The following SYDE1 variants were observed in gnomAD, a reference collection of about 807,000 sequenced individuals.
The protein encoded by SYDE1 is rho GTPase-activating protein SYDE1.
SYDE1 carries 34 observed loss-of-function variants against 63.3 expected under a neutral mutation model. The observed-to-expected ratio is 0.54, with a 90% confidence interval of 0.41 to 0.71. The LOEUF (loss-of-function observed/expected upper bound fraction) is 0.71, where lower values mean the gene tolerates loss of function less well. Ranked by LOEUF, SYDE1 falls within the 30% of genes least tolerant of loss-of-function variation. The pLI is 0.00. For missense variants in SYDE1, 925 were observed against 1,042.5 expected, an observed-to-expected ratio of 0.89 and a Z score of 1.55; for synonymous variants, 467 against 473.4, an observed-to-expected ratio of 0.99 and a Z score of 0.18.
At position 15,109,881 on chromosome 19, in the gene SYDE1, G is replaced by A. The variant is rs1308357136; in HGVS notation, c.608G>A (p.Arg203His). The change falls in exon 3 of 8, where the codon CGC becomes CAC. Residue 203 changes from arginine (R) to histidine (H), a missense_variant. Physicochemically the swap from Arg to His is conservative, Grantham distance 29. Coordinates refer to ENST00000342784, the MANE Select transcript of SYDE1 (RefSeq NM_033025.6). This position sits in a 1 kb window ranked among gnomAD's most constrained non-coding sequence, Gnocchi z 5.0. Reference sequence around the variant, plus strand: ...GCCCCTGCGGGCTCCGTCATCAGCCGCTACCACCTGGACAGCAGCGTGGGG... The same window carrying A: ...GCCCCTGCGGGCTCCGTCATCAGCCACTACCACCTGGACAGCAGCGTGGGG... Reference protein sequence around the residue: ...RAAPAGSVISRYHLDSSVGGP... With the variant: ...RAAPAGSVISHYHLDSSVGGP... The A allele has an allele frequency of 1.3e-6, 2 of 1,519,390 alleles. No homozygotes were observed. Among genetic ancestry groups the A allele is most frequent in the Non-Finnish European group, 1.8e-6 (2 of 1,137,774 alleles). 94.1% of individuals were successfully genotyped at this position (1,519,390 alleles called of 1,614,324 possible). A position where few individuals can be genotyped will look rare whatever the true frequency, so the allele number is the denominator to read the frequency against.
At position 15,109,594 on chromosome 19, in the gene SYDE1, C is replaced by T. The variant is rs76840132; in HGVS notation, c.431-110C>T. 2.9e-3 allele frequency: 2,666 copies of T among 919,278 alleles called. 42 individuals carry two copies. The African/African-American group carries it at 0.04, about 14-fold the overall frequency. 56.9% of individuals were successfully genotyped at this position (919,278 alleles called of 1,614,324 possible). On this transcript the variant is annotated intron_variant, in intron 2 of 7. Transcript: ENST00000342784. This position sits in a 1 kb window ranked among gnomAD's most constrained non-coding sequence, Gnocchi z 5.0. ...AGGAGCATCAGCCTCACACCCTCCT[C>T]CCCGCCAGGGGAACACCAGCCTCAC...
intron 1 of SYDE1, 89 bp downstream of exon 1, chr19:15,107,610 G>A: frequency 1.1e-6 from 1 of 890,526 alleles, no homozygotes; most frequent in Non-Finnish European, 1.7e-6. Context: ...GACGGTGGGG[G>A]GGATCAGGGG....
In SYDE1 at chr19:15,109,792, G is replaced by A. The variant is rs758929465; in HGVS notation, c.519G>A (p.Leu173=). The change falls in exon 3 of 8, where the codon CTG becomes CTA. Residue 173 remains leucine, a synonymous_variant. Transcript: ENST00000342784. This position sits in a 1 kb window ranked among gnomAD's most constrained non-coding sequence, Gnocchi z 5.0. ...GCCTCTCCATAAAGATGAAGAAGCTGCCGGAACTGCGGCGCCGCCTGAGCC... is the reference window on the plus strand; with the variant it reads ...GCCTCTCCATAAAGATGAAGAAGCTACCGGAACTGCGGCGCCGCCTGAGCC... ...ARRLSIKMKK[L]PELRRRLSLR... is the part of the protein sequence containing the mutation. 10 of 1,537,308 alleles carry A rather than the reference G, an allele frequency of 6.5e-6. No individual in the cohort carries two copies. The highest frequency in any genetic ancestry group is 2.5e-5 in the East Asian group (1 of 40,806).
chr19:15,114,623 C>G lies in SYDE1; in HGVS notation c.*660C>G, dbSNP rs768341317. ...TCCAATCCCCATCTCCTTGCCCCCC[C>G]CTTGCCCCCCCCCCCGAAAAAAATT... On this transcript the variant is annotated 3_prime_UTR_variant, in exon 8 of 8. Coordinates refer to ENST00000342784, the MANE Select transcript of SYDE1 (RefSeq NM_033025.6). 9 of 84,378 alleles carry G rather than the reference C, an allele frequency of 1.1e-4. No homozygotes were observed. The highest frequency in any genetic ancestry group is 2.6e-4 in the Non-Finnish European group (9 of 35,104). 5.2% of individuals were successfully genotyped at this position (84,378 alleles called of 1,614,324 possible). A position where few individuals can be genotyped will look rare whatever the true frequency, so the allele number is the denominator to read the frequency against.
At position 15,111,895 on chromosome 19, in the gene SYDE1, C is replaced by A; in HGVS notation, c.1578+103C>A. 2.6e-6 allele frequency: 3 copies of A among 1,166,946 alleles called. No homozygotes were observed. The highest frequency in any genetic ancestry group is 1.5e-5 in the African/African-American group (1 of 64,776). The allele number at this position is 1,166,946 out of a possible 1,614,324, so 72.3% of individuals were successfully genotyped here. A position where few individuals can be genotyped will look rare whatever the true frequency, so the allele number is the denominator to read the frequency against. On this transcript the variant is annotated intron_variant, in intron 6 of 7. Transcript: ENST00000342784. This position sits in a 1 kb window ranked among gnomAD's most constrained non-coding sequence, Gnocchi z 5.5. The stretch of plus-strand genomic sequence containing the variant: ...TGAGATGGGCATGAGCTGGCAGCAT[C>A]ATCATATCCCCAAGAAATAGGTGCT...
At chr19:15,107,725 C>G (rs1478590960) in intron 1 of SYDE1, among the ~76,000 whole-genome samples, 2 of 151,140 alleles carry the variant, frequency 1.3e-5, no homozygotes, top group Non-Finnish European at 3.0e-5. Context: ...CCGTTATGTG[C>G]TGCTGGCCGG....
chr19:15,111,832 G>T lies in SYDE1; in HGVS notation c.1578+40G>T, dbSNP rs1487280356. The T allele has an allele frequency of 7.2e-6, 11 of 1,524,472 alleles. No individual in the cohort carries two copies. Among genetic ancestry groups the T allele is most frequent in the Non-Finnish European group, 9.7e-6 (11 of 1,134,486 alleles). The allele number at this position is 1,524,472 out of a possible 1,614,324, so 94.4% of individuals were successfully genotyped here. A position where few individuals can be genotyped will look rare whatever the true frequency, so the allele number is the denominator to read the frequency against. ...GTGGGAGTGATGGGACTTGAGAGTG[G>T]GCTGATACCAATAGAATGTTTCACC... On this transcript the variant is annotated intron_variant, in intron 6 of 7. Transcript: ENST00000342784. This position sits in a 1 kb window ranked among gnomAD's most constrained non-coding sequence, Gnocchi z 5.5.
Position 15,110,304 on chromosome 19 carries a change from G to A in SYDE1, c.1031G>A (p.Arg344Gln), listed in dbSNP as rs1568328622. Reference sequence around the variant, plus strand: ...TGGGACCCTGGCGTGAGAAGGCACCGGCCCTGTGCCCAGGGCACCGTGCTG... The same window carrying A: ...TGGGACCCTGGCGTGAGAAGGCACCAGCCCTGTGCCCAGGGCACCGTGCTG... ...LAWDPGVRRH[R>Q]PCAQGTVLLP... is the part of the protein sequence containing the mutation. The change falls in exon 3 of 8, where the codon CGG becomes CAG. Residue 344 changes from arginine to glutamine, a missense_variant. This residue lies in a region of SYDE1 where 599 missense variants were observed against 653.7 expected (regional missense o/e 0.92). Coordinates refer to ENST00000342784, the MANE Select transcript of SYDE1 (RefSeq NM_033025.6). The surrounding 1 kb of genome is among the most constrained non-coding windows in gnomAD (Gnocchi z 6.9). 8 of 1,421,664 alleles carry A rather than the reference G, an allele frequency of 5.6e-6. No individual in the cohort carries two copies. Among genetic ancestry groups the A allele is most frequent in the Admixed American group, 3.0e-5 (1 of 33,656 alleles). 88.1% of individuals were successfully genotyped at this position (1,421,664 alleles called of 1,614,324 possible). A position where few individuals can be genotyped will look rare whatever the true frequency, so the allele number is the denominator to read the frequency against.
rs1249887567 is a variant in SYDE1, at chr19:15,109,086, C to T, written c.119C>T (p.Pro40Leu). 6.5e-7 allele frequency: 1 copy of T among 1,528,358 alleles called. No homozygotes were observed. The highest frequency in any genetic ancestry group is 8.8e-7 in the Non-Finnish European group (1 of 1,139,756). 94.7% of individuals were successfully genotyped at this position (1,528,358 alleles called of 1,614,324 possible). A position where few individuals can be genotyped will look rare whatever the true frequency, so the allele number is the denominator to read the frequency against. The change falls in exon 2 of 8, where the codon CCT becomes CTT. Residue 40 changes from proline (P) to leucine (L), a missense_variant. Around this residue, in one of 3 missense-constraint regions of SYDE1, gnomAD observed 599 missense variants for 653.7 expected, o/e 0.92. Transcript: ENST00000342784. The surrounding 1 kb of genome is among the most constrained non-coding windows in gnomAD (Gnocchi z 5.0). ...CCAGCCCAGCGCCCAGAGCCCAGCC[C>T]TCCAGAGCCAGAGCCCCAGGCTCCC... Reference protein sequence around the residue: ...GHPAQRPEPSPPEPEPQAPEG... With the variant: ...GHPAQRPEPSLPEPEPQAPEG...
rs1409444521 is a variant in SYDE1, at chr19:15,110,036, C to T, written c.763C>T (p.Pro255Ser). ...CTCCTTCCGGCCCTACGAGGTGGGT[C>T]CCGCAGCCCGGGCACCCCCGGCCGC... ...PTSFRPYEVG[P>S]AARAPPAALW... The change falls in exon 3 of 8, where the codon CCC becomes TCC. Residue 255 changes from proline (P) to serine (S), a missense_variant. Pro to Ser is a moderately conservative substitution (Grantham distance 74). Around this residue, in one of 3 missense-constraint regions of SYDE1, gnomAD observed 599 missense variants for 653.7 expected, o/e 0.92. Coordinates refer to ENST00000342784, the MANE Select transcript of SYDE1 (RefSeq NM_033025.6). The surrounding 1 kb of genome is among the most constrained non-coding windows in gnomAD (Gnocchi z 6.9). 1.3e-6 allele frequency: 2 copies of T among 1,504,484 alleles called. No individual in the cohort carries two copies. The highest frequency in any genetic ancestry group is 8.8e-7 in the Non-Finnish European group (1 of 1,134,364). The allele number at this position is 1,504,484 out of a possible 1,614,324, so 93.2% of individuals were successfully genotyped here.
In SYDE1 at chr19:15,112,603, T is replaced by A. The variant is rs752572906; in HGVS notation, c.1804+32T>A. 5 of 1,510,702 alleles carry A rather than the reference T, an allele frequency of 3.3e-6. No homozygotes were observed. The East Asian group carries it at 1.2e-4, about 37-fold the overall frequency. The allele number at this position is 1,510,702 out of a possible 1,614,324, so 93.6% of individuals were successfully genotyped here. On this transcript the variant is annotated intron_variant, in intron 7 of 7. Coordinates refer to ENST00000342784, the MANE Select transcript of SYDE1 (RefSeq NM_033025.6). ...TCATGCCCAGGGCCTGCACCACCAA[T>A]CTGAGCCAGGCTGCTACAGTGATGC...
chr19:15,111,202 G>C lies in SYDE1; in HGVS notation c.1291-111G>C, dbSNP rs1599324104. 4.0e-6 allele frequency: 5 copies of C among 1,255,994 alleles called. No individual in the cohort carries two copies. The highest frequency in any genetic ancestry group is 2.4e-5 in the East Asian group (1 of 42,142). The allele number at this position is 1,255,994 out of a possible 1,614,324, so 77.8% of individuals were successfully genotyped here. On this transcript the variant is annotated intron_variant, in intron 4 of 7. Transcript: ENST00000342784. This position sits in a 1 kb window ranked among gnomAD's most constrained non-coding sequence, Gnocchi z 5.5. ...TTGTCAAGGTAGTTCCAACCTCCCA[G>C]CCCACAATGCCCATTGCTGCCTGGC...
At position 15,110,358 on chromosome 19, in the gene SYDE1, G is replaced by A; in HGVS notation, c.1075+10G>A. 7.0e-7 allele frequency: 1 copy of A among 1,434,562 alleles called. No homozygotes were observed. The highest frequency in any genetic ancestry group is 9.1e-7 in the Non-Finnish European group (1 of 1,095,654). 88.9% of individuals were successfully genotyped at this position (1,434,562 alleles called of 1,614,324 possible). ...CCCACGGTCTTCCGAGGTAGGACATGCGGCTGCAGGGGAGGAGGGGCAGGG... is the reference window on the plus strand; with the variant it reads ...CCCACGGTCTTCCGAGGTAGGACATACGGCTGCAGGGGAGGAGGGGCAGGG... On this transcript the variant is annotated intron_variant, in intron 3 of 7. Transcript: ENST00000342784. The surrounding 1 kb of genome is among the most constrained non-coding windows in gnomAD (Gnocchi z 6.9).
rs2046339614 is a variant in SYDE1, at chr19:15,110,638, T to A, written c.1193T>A (p.Leu398Gln). The change falls in exon 4 of 8, where the codon CTG becomes CAG. Residue 398 changes from leucine (L) to glutamine (Q), a missense_variant. Leu to Gln is a moderately radical substitution (Grantham distance 113). This residue lies in a region of SYDE1 where 599 missense variants were observed against 653.7 expected (regional missense o/e 0.92). Coordinates refer to ENST00000342784, the MANE Select transcript of SYDE1 (RefSeq NM_033025.6). This position sits in a 1 kb window ranked among gnomAD's most constrained non-coding sequence, Gnocchi z 6.9. Reference sequence around the variant, plus strand: ...ACAGCTGAGCCCCGCGTCTTTGGGCTGCCCCTGCCACTGCTGGTGGAGCGG... The same window carrying A: ...ACAGCTGAGCCCCGCGTCTTTGGGCAGCCCCTGCCACTGCTGGTGGAGCGG... ...PATAEPRVFGLPLPLLVERER... is the reference protein window; with the variant it reads ...PATAEPRVFGQPLPLLVERER... 1.3e-6 allele frequency: 2 copies of A among 1,587,602 alleles called. No homozygotes were observed. The highest frequency in any genetic ancestry group is 1.7e-6 in the Non-Finnish European group (2 of 1,168,732).
Position 15,112,504 on chromosome 19 carries a change from C to T in SYDE1, c.1737C>T (p.Gly579=). The T allele has an allele frequency of 6.2e-7, 1 of 1,606,914 alleles. No homozygotes were observed. Among genetic ancestry groups the T allele is most frequent in the Non-Finnish European group, 8.5e-7 (1 of 1,177,010 alleles). Residue 579 remains glycine (G), a synonymous_variant, in exon 7 of 8, where the codon GGC becomes GGT. Coordinates refer to ENST00000342784, the MANE Select transcript of SYDE1 (RefSeq NM_033025.6). ...TRPRARSSGP[G]LASAVDFKHH... is the part of the protein sequence containing the mutation. ...CTCGTGCCCGCAGCTCCGGCCCAGG[C>T]CTTGCCAGTGCAGTGGACTTCAAGC... is the stretch of plus-strand genomic sequence containing the variant.
rs757237808 is a variant in SYDE1 at position 15,109,917 on chromosome 19, C to T, written c.644C>T (p.Pro215Leu). 1.4e-5 allele frequency: 21 copies of T among 1,461,228 alleles called. No individual in the cohort carries two copies. In the East Asian group the frequency reaches 2.4e-4, roughly 17 times the overall value. The allele number at this position is 1,461,228 out of a possible 1,614,324, so 90.5% of individuals were successfully genotyped here. ...GACAGCAGCGTGGGGGGCCCCGGGC[C>T]GGCAGCAGGGCCTGGGGGCACCCGG... is the stretch of plus-strand genomic sequence containing the variant. ...HLDSSVGGPG[P>L]AAGPGGTRSP... Residue 215 changes from proline (P) to leucine (L), a missense_variant, in exon 3 of 8, where the codon CCG becomes CTG. Physicochemically the swap from Pro to Leu is moderately conservative, Grantham distance 98. This residue lies in a region of SYDE1 where 599 missense variants were observed against 653.7 expected (regional missense o/e 0.92). Coordinates refer to ENST00000342784, the MANE Select transcript of SYDE1 (RefSeq NM_033025.6). This position sits in a 1 kb window ranked among gnomAD's most constrained non-coding sequence, Gnocchi z 5.0.
rs2046372243 is a variant in SYDE1 at position 15,114,629 on chromosome 19, C to CA, written c.*666_*667insA. 1 of 68,606 alleles carries CA rather than the reference C, an allele frequency of 1.5e-5. No individual in the cohort carries two copies. Among genetic ancestry groups the CA allele is most frequent in the African/African-American group, 6.5e-5 (1 of 15,326 alleles). The allele number at this position is 68,606 out of a possible 1,614,324, so 4.2% of individuals were successfully genotyped here. A position where few individuals can be genotyped will look rare whatever the true frequency, so the allele number is the denominator to read the frequency against. On this transcript the variant is annotated 3_prime_UTR_variant, in exon 8 of 8. Transcript: ENST00000342784. ...CCCCATCTCCTTGCCCCCCCCTTGC[C>CA]CCCCCCCCCGAAAAAAATTGAGCAC...
chr19:15,110,599 A>C lies in SYDE1; in HGVS notation c.1154A>C (p.Gln385Pro). ...GCCAAGCTGACCCTGTCGGAGCAGCAGGAAGCCCCTGCCACAGCTGAGCCC... is the reference window on the plus strand; with the variant it reads ...GCCAAGCTGACCCTGTCGGAGCAGCCGGAAGCCCCTGCCACAGCTGAGCCC... ...LYAKLTLSEQ[Q>P]EAPATAEPRV... The change falls in exon 4 of 8, where the codon CAG (glutamine) becomes CCG (proline). Residue 385 changes from glutamine (Q) to proline (P), a missense_variant. Physicochemically the swap from Gln to Pro is moderately conservative, Grantham distance 76. Coordinates refer to ENST00000342784, the MANE Select transcript of SYDE1 (RefSeq NM_033025.6). The surrounding 1 kb of genome is among the most constrained non-coding windows in gnomAD (Gnocchi z 6.9). 6.3e-7 allele frequency: 1 copy of C among 1,593,960 alleles called. No homozygotes were observed. Among genetic ancestry groups the C allele is most frequent in the Non-Finnish European group, 8.5e-7 (1 of 1,172,780 alleles).
rs920983921 is a variant in SYDE1 at position 15,110,219 on chromosome 19, G to A, written c.946G>A (p.Asp316Asn). Residue 316 changes from aspartate to asparagine, a missense_variant, in exon 3 of 8, where the codon GAC becomes AAC. This residue lies in a region of SYDE1 where 599 missense variants were observed against 653.7 expected (regional missense o/e 0.92). Coordinates refer to ENST00000342784, the MANE Select transcript of SYDE1 (RefSeq NM_033025.6). This position sits in a 1 kb window ranked among gnomAD's most constrained non-coding sequence, Gnocchi z 6.9. ...AGGGGGGCCGGACTTCCTGCGGCTG[G>A]ACCACACCTTCCACCTGGAGCTGGA... The part of the protein sequence containing the change: ...LRGGPDFLRL[D>N]HTFHLELEAA... 4.9e-6 allele frequency: 7 copies of A among 1,419,920 alleles called. No homozygotes were observed. In the East Asian group the frequency reaches 1.9e-4, roughly 38 times the overall value. 88.0% of individuals were successfully genotyped at this position (1,419,920 alleles called of 1,614,324 possible).
Sources: gnomAD v4.1 joint callset for allele counts (sites outside exome capture counted in the v4.1 genomes callset) on GRCh38, gnomAD v4.1.1 for gene constraint, gnomAD v4.1.1 regional missense constraint, Gnocchi (gnomAD v3.1) non-coding constraint, MANE v1.5 for transcripts, NCBI Gene and HGNC (gene_info 2026-07-23, HGNC 2026-07-21) for gene names.